The following ASAP2 variants were observed in gnomAD, a reference collection of about 807,000 sequenced individuals.
The protein encoded by ASAP2 is arf-GAP with SH3 domain, ANK repeat and PH domain-containing protein 2.
A neutral mutation model predicts 131.4 loss-of-function variants in ASAP2; 45 were observed. The ratio of observed to expected loss-of-function variants is 0.34; its 90% CI spans 0.27 to 0.44. The LOEUF (loss-of-function observed/expected upper bound fraction) is 0.44. Ranked by LOEUF, ASAP2 falls within the 20% of genes least tolerant of loss-of-function variation. The pLI, the probability that ASAP2 is intolerant of heterozygous loss-of-function variation, is 1.00. For synonymous variants in ASAP2, 510 were observed against 503.0 expected, an observed-to-expected ratio of 1.01 and a Z score of -0.19; for missense variants, 1,011 against 1,297.0, an observed-to-expected ratio of 0.78 and a Z score of 3.39.
At chr2:9,256,316 T>A (rs919018203) in intron 1 of ASAP2, among the ~76,000 whole-genome samples, 4 of 152,124 alleles carry the variant, frequency 2.6e-5, no homozygotes, top group African/African-American at 9.7e-5. Flanking sequence ...AAGTTGGAGT[T>A]TAGCACGAGG....
chr2:9,377,092 G>T, intron 18 of ASAP2, 99 bp downstream of exon 18: 1 of 1,055,718 alleles, frequency 9.5e-7, no homozygotes. Flanking sequence ...GTTGTCAGGA[G>T]AACCTTCCCA....
chr2:9,347,043 C>G lies in ASAP2; in HGVS notation c.1023+2243C>G, dbSNP rs111393668. Among the ~76,000 whole-genome samples, 385 of 150,842 alleles carry G rather than the reference C, an allele frequency of 2.6e-3. 1 individual carries two copies. The highest frequency in any genetic ancestry group is 8.7e-3 in the African/African-American group (359 of 41,484). On this transcript the variant is annotated intron_variant, in intron 11 of 27. Transcript: ENST00000281419. ...TGCTTTGTGTTTGGAGGGGAAAACCCTCTCCAGGGAATCTCCACTTCCAGA... is the reference window on the plus strand; with the variant it reads ...TGCTTTGTGTTTGGAGGGGAAAACCGTCTCCAGGGAATCTCCACTTCCAGA...
At chr2:9,276,414 C>G (rs1343540625) in intron 1 of ASAP2, among the ~76,000 whole-genome samples, 1 of 152,172 alleles carries the variant, frequency 6.6e-6, no homozygotes, top group East Asian at 1.9e-4. Context: ...GCCAGAGAAG[C>G]AGGCAGAGCT....
Position 9,400,024 on chromosome 2 carries a change from G to A in ASAP2, c.2686G>A (p.Ala896Thr), listed in dbSNP as rs766220109. 1 of 1,613,282 alleles carries A rather than the reference G, an allele frequency of 6.2e-7. No homozygotes were observed. Among genetic ancestry groups the A allele is most frequent in the East Asian group, 2.2e-5 (1 of 44,882 alleles). Reference protein sequence around the residue: ...RLPQKKPAPGADKSTPLTNKG... With the variant: ...RLPQKKPAPGTDKSTPLTNKG... ...TCTACTTTTTCCCTGTCTTTGTAGG[G>A]CTGACAAGTCCACCCCACTGACCAA... The change falls in exon 25 of 28, where the codon GCT becomes ACT. Residue 896 changes from alanine (A) to threonine (T), a missense_variant and splice_region_variant. Transcript: ENST00000281419.
At chr2:9,371,073 A>G (rs1456015933) in intron 16 of ASAP2, among the ~76,000 whole-genome samples, 2 of 152,194 alleles carry the variant, frequency 1.3e-5, no homozygotes, top group African/African-American at 4.8e-5. Context: ...AGGCGATTCT[A>G]AAAAATGAAC....
At chr2:9,379,165 C>T (rs898575833) in intron 19 of ASAP2, 106 bp downstream of exon 19, 2 of 654,004 alleles carry the variant, frequency 3.1e-6, no homozygotes, top group Non-Finnish European at 4.6e-6. Context: ...CCTGTGGGCT[C>T]TTGTTAGTGC....
chr2:9,379,057 T>C lies in ASAP2; in HGVS notation c.1946T>C (p.Ile649Thr), dbSNP rs1572591628. 1.3e-6 allele frequency: 2 copies of C among 1,548,482 alleles called. No individual in the cohort carries two copies. Among genetic ancestry groups the C allele is most frequent in the Non-Finnish European group, 1.7e-6 (2 of 1,146,350 alleles). ...CTGCGGGGGAAGGCCTCCATCGAGA[T>C]AGGTGAGTGGGCCCGGGCCCCGGGG... ...LLLRGKASIE[I>T]ANESGETPLD... The change falls in exon 19 of 28, where the codon ATA becomes ACA. Residue 649 changes from isoleucine to threonine, a missense_variant and splice_region_variant. Coordinates refer to ENST00000281419, the MANE Select transcript of ASAP2 (RefSeq NM_003887.3).
intron 15 of ASAP2, among the ~76,000 whole-genome samples, chr2:9,367,988 T>C (rs971345651): frequency 6.6e-6 from 1 of 152,180 alleles, no homozygotes; most frequent in Admixed American, 6.5e-5. Context: ...AATGGAGCTG[T>C]GATTTGAACC....
At chr2:9,395,594 C>CTTTTTTTTGTTTTTTTTTTT (rs1676064633) in intron 24 of ASAP2, among the ~76,000 whole-genome samples, 1 of 59,048 alleles carries the variant, frequency 1.7e-5, no homozygotes, top group Non-Finnish European at 3.6e-5. Context: ...TGTTTTTTTT[C>CTTTTTTTTGTTTTTTTTTTT]TTTTTTTTTT....
chr2:9,237,403 G>T (rs1663628391), intron 1 of ASAP2, among the ~76,000 whole-genome samples: 1 of 146,762 alleles, frequency 6.8e-6, no homozygotes. Context: ...GCACCCACTG[G>T]GTCTTTTGGT....
At position 9,350,892 on chromosome 2, in the gene ASAP2, TCACGTAAGG is replaced by T; in HGVS notation, c.1110_1111+7del. 1 of 1,606,956 alleles carries T rather than the reference TCACGTAAGG, an allele frequency of 6.2e-7. No homozygotes were observed. The highest frequency in any genetic ancestry group is 8.5e-7 in the Non-Finnish European group (1 of 1,175,244). Reference sequence around the variant, plus strand: ...GGAGAAGAAGTGCTTTGACCTCATTTCACGTAAGGCTCCCTCTGAGATGCCGCGCCATAG... The same window carrying T: ...GGAGAAGAAGTGCTTTGACCTCATTTCTCCCTCTGAGATGCCGCGCCATAG... On this transcript the variant is annotated splice_donor_variant and splice_donor_5th_base_variant and coding_sequence_variant and intron_variant, in exon 12 of 28. Coordinates refer to ENST00000281419, the MANE Select transcript of ASAP2 (RefSeq NM_003887.3). LOFTEE classifies it high-confidence loss of function.
At chr2:9,267,646 C>T (rs556001398) in intron 1 of ASAP2, among the ~76,000 whole-genome samples, 18 of 152,098 alleles carry the variant, frequency 1.2e-4, no homozygotes, top group Admixed American at 4.6e-4. Context: ...CCTGTAATCC[C>T]AGCACTTTGG....
chr2:9,225,501 G>A (rs766316815), intron 1 of ASAP2, among the ~76,000 whole-genome samples: 2 of 152,190 alleles, frequency 1.3e-5, no homozygotes, highest in East Asian at 1.9e-4. Context: ...CTGTGGTCCC[G>A]ATTTTACCTC....
At chr2:9,210,269 TG>T (rs1661440350) in intron 1 of ASAP2, among the ~76,000 whole-genome samples, 2 of 152,256 alleles carry the variant, frequency 1.3e-5, no homozygotes, top group South Asian at 4.1e-4. Context: ...GCTTGCCAGC[TG>T]AGTGAACTTG....
chr2:9,385,369 G>C lies in ASAP2; in HGVS notation c.2130+11G>C, dbSNP rs756118709. ...GATGAGAAATTGCAGGTCTGTGCCA[G>C]GTTGCTAACCATTAAGAGTTTTGAT... On this transcript the variant is annotated intron_variant, in intron 21 of 27. Coordinates refer to ENST00000281419, the MANE Select transcript of ASAP2 (RefSeq NM_003887.3). 3 of 1,600,696 alleles carry C rather than the reference G, an allele frequency of 1.9e-6. No individual in the cohort carries two copies. The highest frequency in any genetic ancestry group is 2.6e-6 in the Non-Finnish European group (3 of 1,167,734).
At chr2:9,288,812 C>G (rs545025497) in intron 2 of ASAP2, among the ~76,000 whole-genome samples, 2 of 152,184 alleles carry the variant, frequency 1.3e-5, no homozygotes, top group Admixed American at 1.3e-4. Flanking sequence ...ACCTCCAACC[C>G]CCTTCTCCTT....
At chr2:9,299,599 G>A (rs1471773479) in intron 3 of ASAP2, among the ~76,000 whole-genome samples, 1 of 152,210 alleles carries the variant, frequency 6.6e-6, no homozygotes, top group African/African-American at 2.4e-5. Flanking sequence ...ATTCCAAGAG[G>A]ATCATGGCGA....
intron 1 of ASAP2, among the ~76,000 whole-genome samples, chr2:9,237,908 A>G (rs1213327176): frequency 6.6e-6 from 1 of 152,190 alleles, no homozygotes; most frequent in Admixed American, 6.5e-5. Context: ...CTCTGTCCCA[A>G]TTCAGAAGAG....
At chr2:9,388,754 G>C (rs1675496588) in intron 22 of ASAP2, among the ~76,000 whole-genome samples, 1 of 152,210 alleles carries the variant, frequency 6.6e-6, no homozygotes, top group African/African-American at 2.4e-5. Flanking sequence ...TCTGGGCAGA[G>C]TTGTGGCATC....
Sources: allele counts gnomAD v4.1 joint callset (sites outside exome capture counted in the v4.1 genomes callset), GRCh38; gene constraint gnomAD v4.1.1; transcripts MANE v1.5; gene names NCBI Gene and HGNC (gene_info 2026-07-23, HGNC 2026-07-21).